The following TNFRSF10A variants were observed in gnomAD, a reference collection of about 807,000 sequenced individuals.
TNFRSF10A encodes the protein tumor necrosis factor receptor superfamily member 10A.
TNFRSF10A carries 44 observed loss-of-function variants against 42.8 expected under a neutral mutation model. The ratio of observed to expected loss-of-function variants is 1.03; its 90% CI spans 0.81 to 1.32. The LOEUF (loss-of-function observed/expected upper bound fraction) is 1.32, where lower values mean the gene tolerates loss of function less well. Ranked by LOEUF, TNFRSF10A falls within the 40% of genes most tolerant of loss-of-function variation. The probability of loss-of-function intolerance (pLI) is 0.00; values close to 1 mark genes in which losing one functional copy is unlikely to be tolerated. For missense variants in TNFRSF10A, 680 were observed against 602.0 expected (o/e 1.13, Z -1.36); for synonymous variants, 259 against 234.2 (o/e 1.11, Z -0.97).
Position 23,199,481 on chromosome 8 carries a change from A to G in TNFRSF10A, c.832-33T>C. The stretch of plus-strand genomic sequence containing the variant: ...AGGCAAAGAGCCAACTCAGAAGCCC[A>G]CACCCAGGGCTCCCCACGGGGTCCG... On this transcript the variant is annotated intron_variant, in intron 7 of 9. Transcript: ENST00000221132. The G allele has an allele frequency of 5.6e-6, 9 of 1,599,096 alleles. No individual in the cohort carries two copies. In the Admixed American group the frequency reaches 1.3e-4, roughly 24 times the overall value.
chr8:23,209,651 C>T (rs1801065897), intron 2 of TNFRSF10A, among the ~76,000 whole-genome samples: 1 of 152,176 alleles, frequency 6.6e-6, no homozygotes, highest in South Asian at 2.1e-4. Flanking sequence ...GGGCCTGTAG[C>T]CCTTTGTTTT....
In TNFRSF10A at chr8:23,199,191, C is replaced by T. The variant is rs147324161; in HGVS notation, c.1014+75G>A. Reference sequence around the variant, plus strand: ...CCATCTCCCTCAGGCTCCACTTCCCCTTTGACCAGGAGAGCCGAGGCATGG... The same window carrying T: ...CCATCTCCCTCAGGCTCCACTTCCCTTTTGACCAGGAGAGCCGAGGCATGG... On this transcript the variant is annotated intron_variant, in intron 8 of 9. Transcript: ENST00000221132. 7.0e-5 allele frequency: 108 copies of T among 1,549,356 alleles called. No homozygotes were observed. The African/African-American group carries it at 1.4e-3, about 19-fold the overall frequency.
At chr8:23,193,805 C>G (rs750334721) in intron 9 of TNFRSF10A, among the ~76,000 whole-genome samples, 1 of 152,164 alleles carries the variant, frequency 6.6e-6, no homozygotes, top group Non-Finnish European at 1.5e-5. Context: ...TTGCTAGAGT[C>G]ATGGGAAATT....
intron 8 of TNFRSF10A, 37 bp downstream of exon 8, chr8:23,199,229 G>A: frequency 6.3e-7 from 1 of 1,591,094 alleles, no homozygotes; most frequent in Non-Finnish European, 8.6e-7. Context: ...TTCACCCCCT[G>A]CCTACAAGGT....
At chr8:23,192,607 A>G (rs900872052) in intron 9 of TNFRSF10A, among the ~76,000 whole-genome samples, 67 of 152,336 alleles carry the variant, frequency 4.4e-4, no homozygotes, top group African/African-American at 1.6e-3. Flanking sequence ...ACTGCACACC[A>G]CCATCCACAG....
intron 8 of TNFRSF10A, among the ~76,000 whole-genome samples, chr8:23,198,804 C>T (rs1800865737): frequency 6.6e-6 from 1 of 152,178 alleles, no homozygotes; most frequent in African/African-American, 2.4e-5. Context: ...GTAAGCAGCA[C>T]TGTTACAGGC....
intron 1 of TNFRSF10A, among the ~76,000 whole-genome samples, chr8:23,214,474 C>G (rs34194030): frequency 1.3e-5 from 2 of 150,544 alleles, no homozygotes; most frequent in African/African-American, 4.9e-5. Context: ...GACGACAGAG[C>G]CAGACTGTCT....
chr8:23,200,027 G>T, intron 6 of TNFRSF10A, 110 bp from the exon 7 acceptor site: 1 of 1,387,144 alleles, frequency 7.2e-7, no homozygotes, highest in Non-Finnish European at 1.0e-6. Context: ...ACTGGACAAA[G>T]ATCCCCGGGC....
chr8:23,205,432 TTGATAA>T (rs1363551906), intron 2 of TNFRSF10A, among the ~76,000 whole-genome samples: 1 of 152,182 alleles, frequency 6.6e-6, no homozygotes, highest in African/African-American at 2.4e-5. Flanking sequence ...TATATAATAT[TTGATAA>T]TGATAATAAA....
In TNFRSF10A at chr8:23,191,515, G is replaced by T. The variant is rs973978729; in HGVS notation, c.*179C>A. The T allele has an allele frequency of 1.2e-6, 1 of 813,868 alleles. No individual in the cohort carries two copies. The highest frequency in any genetic ancestry group is 1.9e-6 in the Non-Finnish European group (1 of 538,660). The allele number at this position is 813,868 out of a possible 1,614,324, so 50.4% of individuals were successfully genotyped here. On this transcript the variant is annotated 3_prime_UTR_variant, in exon 10 of 10. Transcript: ENST00000221132. ...GCATTTCACGATGTTGGTCAGGCTG[G>T]TCTTGAACTTCTGACCTCAAGTGAT...
At position 23,224,948 on chromosome 8, in the gene TNFRSF10A, C is replaced by A. The variant is rs759145262; in HGVS notation, c.114G>T (p.Trp38Cys). The change falls in exon 1 of 10, where the codon TGG (tryptophan) becomes TGT (cysteine). Residue 38 changes from tryptophan (W) to cysteine (C), a missense_variant. Transcript: ENST00000221132. ...GTTCAATCCTCCCCGCGGAAGAGCCCCACACTTTGCTGGGTGTGGCCGCGG... is the reference window on the plus strand; with the variant it reads ...GTTCAATCCTCCCCGCGGAAGAGCCACACACTTTGCTGGGTGTGGCCGCGG... ...EAAAATPSKV[W>C]GSSAGRIEPR... 2 of 1,600,082 alleles carry A rather than the reference C, an allele frequency of 1.2e-6. No individual in the cohort carries two copies. The highest frequency in any genetic ancestry group is 4.5e-5 in the East Asian group (2 of 44,074).
chr8:23,191,473 A>G lies in TNFRSF10A; in HGVS notation c.*221T>C, dbSNP rs1800751654. 1.6e-6 allele frequency: 1 copy of G among 634,854 alleles called. No individual in the cohort carries two copies. Among genetic ancestry groups the G allele is most frequent in the Non-Finnish European group, 2.6e-6 (1 of 380,620 alleles). 39.3% of individuals were successfully genotyped at this position (634,854 alleles called of 1,614,324 possible). A position where few individuals can be genotyped will look rare whatever the true frequency, so the allele number is the denominator to read the frequency against. ...ACCATCACATCCAGTTAATTTTTGT[A>G]TTTTTTTGTAAAGACGGCATTTCAC... On this transcript the variant is annotated 3_prime_UTR_variant, in exon 10 of 10. Transcript: ENST00000221132.
At chr8:23,194,292 CATAA>C (rs1563376433) in intron 9 of TNFRSF10A, among the ~76,000 whole-genome samples, 2 of 152,106 alleles carry the variant, frequency 1.3e-5, no homozygotes, top group African/African-American at 4.8e-5. Context: ...AAAGAGTACT[CATAA>C]ATAAAGTAAA....
At chr8:23,193,305 T>C (rs1380445231) in intron 9 of TNFRSF10A, among the ~76,000 whole-genome samples, 1 of 152,160 alleles carries the variant, frequency 6.6e-6, no homozygotes, top group Non-Finnish European at 1.5e-5. Context: ...CCCGCTAACT[T>C]TGGCTGGAGG....
intron 9 of TNFRSF10A, among the ~76,000 whole-genome samples, chr8:23,193,748 T>G (rs1378545878): frequency 6.6e-6 from 1 of 152,224 alleles, no homozygotes; most frequent in African/African-American, 2.4e-5. Context: ...GGAGCTTGTT[T>G]GTTGCTGCAG....
In TNFRSF10A at chr8:23,191,637, ACCT is replaced by A; in HGVS notation, c.*54_*56del. The A allele has an allele frequency of 6.8e-7, 1 of 1,479,732 alleles. No homozygotes were observed. Among genetic ancestry groups the A allele is most frequent in the South Asian group, 1.4e-5 (1 of 70,564 alleles). 91.7% of individuals were successfully genotyped at this position (1,479,732 alleles called of 1,614,324 possible). ...TGTATACATGTTAAAAAAAAAAAAA[ACCT>A]AATATGTATTAACTCCTAACACCTA... On this transcript the variant is annotated 3_prime_UTR_variant, in exon 10 of 10. Transcript: ENST00000221132.
rs768012733 is a variant in TNFRSF10A, at chr8:23,199,933, G to A, written c.800-16C>T. On this transcript the variant is annotated splice_polypyrimidine_tract_variant and intron_variant, in intron 6 of 9. Coordinates refer to ENST00000221132, the MANE Select transcript of TNFRSF10A (RefSeq NM_003844.4). Reference sequence around the variant, plus strand: ...CCTCCACAACCTAGAAGAGAAGACGGTTCCCTTAGTGGCCAGGGAGGGGCC... The same window carrying A: ...CCTCCACAACCTAGAAGAGAAGACGATTCCCTTAGTGGCCAGGGAGGGGCC... 6.2e-7 allele frequency: 1 copy of A among 1,613,962 alleles called. No homozygotes were observed. Among genetic ancestry groups the A allele is most frequent in the Admixed American group, 1.7e-5 (1 of 60,022 alleles).
chr8:23,221,953 T>C (rs1017516077), intron 1 of TNFRSF10A, among the ~76,000 whole-genome samples: 1 of 151,910 alleles, frequency 6.6e-6, no homozygotes, highest in Non-Finnish European at 1.5e-5. Context: ...CTCGGCTCAC[T>C]GCAAGCTCTG....
chr8:23,192,032 A>C lies in TNFRSF10A; in HGVS notation c.1088-19T>G. The C allele has an allele frequency of 6.2e-7, 1 of 1,600,424 alleles. No homozygotes were observed. Among genetic ancestry groups the C allele is most frequent in the Non-Finnish European group, 8.5e-7 (1 of 1,174,888 alleles). Reference sequence around the variant, plus strand: ...ATCAGAGCTGGGTGGAGAAAGCCACAGAGACAGCCAGATGAGTTGGGACTC... The same window carrying C: ...ATCAGAGCTGGGTGGAGAAAGCCACCGAGACAGCCAGATGAGTTGGGACTC... On this transcript the variant is annotated intron_variant, in intron 9 of 9. Transcript: ENST00000221132.
Sources: allele counts gnomAD v4.1 joint callset (sites outside exome capture counted in the v4.1 genomes callset), GRCh38; gene constraint gnomAD v4.1.1; transcripts MANE v1.5; gene names NCBI Gene and HGNC (gene_info 2026-07-23, HGNC 2026-07-21).